STRN: variants seen among roughly 807,000 people sequenced by gnomAD.
The protein encoded by STRN is striatin, also known as protein phosphatase 2 regulatory subunit B'''alpha.
Under a neutral mutation model 96.3 loss-of-function variants are expected in STRN, and 53 were observed. The observed-to-expected ratio is 0.55, with a 90% CI of 0.44 to 0.69. The LOEUF is 0.69. STRN is among the 30% of genes least tolerant of loss of function. The pLI, the probability that STRN is intolerant of heterozygous loss-of-function variation, is 0.00. For missense variants in STRN, 987 were observed against 963.9 expected, an observed-to-expected ratio of 1.02 and a Z score of -0.32; for synonymous variants, 428 against 355.9, an observed-to-expected ratio of 1.20 and a Z score of -2.28.
At chr2:36,948,639 C>T (rs1475184086) in intron 1 of STRN, among the ~76,000 whole-genome samples, 4 of 152,064 alleles carry the variant, frequency 2.6e-5, no homozygotes, top group African/African-American at 9.7e-5. Flanking sequence ...TCCCTAATTC[C>T]TAGAACAGTT....
intron 1 of STRN, among the ~76,000 whole-genome samples, chr2:36,935,468 A>C (rs1012108881): frequency 6.6e-6 from 1 of 152,248 alleles, no homozygotes; most frequent in Non-Finnish European, 1.5e-5. Flanking sequence ...ATCTCATTTA[A>C]TTAGGACTAT....
chr2:36,869,502 C>T (rs1668710860), intron 11 of STRN, 52 bp downstream of exon 11: 2 of 1,350,888 alleles, frequency 1.5e-6, no homozygotes, highest in African/African-American at 3.0e-5. Flanking sequence ...TAGTTTTCTG[C>T]TGAAAATGTT....
At chr2:36,882,014 A>G (rs1271016480) in intron 9 of STRN, among the ~76,000 whole-genome samples, 1 of 152,210 alleles carries the variant, frequency 6.6e-6, no homozygotes, top group Non-Finnish European at 1.5e-5. Flanking sequence ...TTACATCTAC[A>G]GTGTGATGTG....
chr2:36,889,275 G>C (rs1015404196), intron 7 of STRN, among the ~76,000 whole-genome samples: 21 of 152,094 alleles, frequency 1.4e-4, no homozygotes, highest in African/African-American at 5.1e-4. Context: ...ATCCAGTTTA[G>C]AAAACTGTTT....
At chr2:36,881,114 CCTT>C (rs144053229) in intron 9 of STRN, among the ~76,000 whole-genome samples, 4 of 135,574 alleles carry the variant, frequency 3.0e-5, no homozygotes, top group African/African-American at 1.1e-4. Flanking sequence ...TGTGACACTG[CCTT>C]CTTTTTTTTT....
In STRN at chr2:36,924,261, CAGG is replaced by C. The variant is rs527596217; in HGVS notation, c.338+841_338+843del. Among the ~76,000 whole-genome samples the C allele has an allele frequency of 9.5e-5, 14 of 147,958 alleles. 2 individuals carry two copies. The South Asian group carries it at 3.0e-3, about 31-fold the overall frequency. On this transcript the variant is annotated intron_variant, in intron 2 of 17. Transcript: ENST00000263918. ...GTCCCAGCTACTTGGGAGGCTGAGG[CAGG>C]AGAATGGTGTGAACCCGGGAGGTGG...
At chr2:36,852,018 A>G (rs1439349975) in intron 15 of STRN, among the ~76,000 whole-genome samples, 1 of 152,196 alleles carries the variant, frequency 6.6e-6, no homozygotes, top group Non-Finnish European at 1.5e-5. Flanking sequence ...CATTAAGCCT[A>G]TATTACAGTG....
chr2:36,886,418 C>T (rs1442581190), intron 8 of STRN, among the ~76,000 whole-genome samples: 1 of 152,098 alleles, frequency 6.6e-6, no homozygotes, highest in Non-Finnish European at 1.5e-5. Flanking sequence ...AGCACAGGTA[C>T]TTTTAAAAAT....
chr2:36,838,874 A>G lies in STRN; in HGVS notation c.*10582T>C, dbSNP rs957453615. ...GAAATGTGAGATGCAGAGAACGTACATGATCCCATTTATTTAAAGCAAACT... is the reference window on the plus strand; with the variant it reads ...GAAATGTGAGATGCAGAGAACGTACGTGATCCCATTTATTTAAAGCAAACT... On this transcript the variant is annotated 3_prime_UTR_variant, in exon 18 of 18. Coordinates refer to ENST00000263918, the MANE Select transcript of STRN (RefSeq NM_003162.4). Among the ~76,000 whole-genome samples, 1 of 152,188 alleles carries G rather than the reference A, an allele frequency of 6.6e-6. No homozygotes were observed. The highest frequency in any genetic ancestry group is 1.5e-5 in the Non-Finnish European group (1 of 68,038).
Position 36,840,285 on chromosome 2 carries a change from G to A in STRN, c.*9171C>T, listed in dbSNP as rs1477942799. The stretch of plus-strand genomic sequence containing the variant: ...GCCAGTGGGGAACAGGGGATGAGCA[G>A]AGGAGATATGGGGGTCCGGGGATAG... On this transcript the variant is annotated 3_prime_UTR_variant, in exon 18 of 18. Coordinates refer to ENST00000263918, the MANE Select transcript of STRN (RefSeq NM_003162.4). 2 of 152,318 alleles carry A rather than the reference G, an allele frequency of 1.3e-5. No individual in the cohort carries two copies. Among genetic ancestry groups the A allele is most frequent in the African/African-American group, 4.8e-5 (2 of 41,436 alleles). The allele number at this position is 152,318 out of a possible 1,614,324, so 9.4% of individuals were successfully genotyped here.
chr2:36,880,644 T>C (rs1316270834), intron 9 of STRN, among the ~76,000 whole-genome samples: 2 of 152,122 alleles, frequency 1.3e-5, no homozygotes, highest in South Asian at 2.1e-4. Context: ...TAATGAAGAA[T>C]AGGAATTGTT....
chr2:36,894,170 C>A, intron 6 of STRN, 137 bp from the exon 7 acceptor site: 1 of 980,066 alleles, frequency 1.0e-6, no homozygotes, highest in Non-Finnish European at 1.4e-6. Context: ...GTGAAAATCA[C>A]ATAGTTTTAA....
rs568441675 is a variant in STRN at position 36,842,081 on chromosome 2, C to G, written c.*7375G>C. 3.9e-4 allele frequency: 59 copies of G among 152,302 alleles called. No individual in the cohort carries two copies. Among genetic ancestry groups the G allele is most frequent in the African/African-American group, 9.9e-4 (41 of 41,560 alleles). 9.4% of individuals were successfully genotyped at this position (152,302 alleles called of 1,614,324 possible). On this transcript the variant is annotated 3_prime_UTR_variant, in exon 18 of 18. Transcript: ENST00000263918. Reference sequence around the variant, plus strand: ...AAAAATTATTGTCTTGGTCCCATTTCCAAAGGGAAGTAGTTGGATGCCAGC... The same window carrying G: ...AAAAATTATTGTCTTGGTCCCATTTGCAAAGGGAAGTAGTTGGATGCCAGC...
rs1039665428 is a variant in STRN, at chr2:36,843,312, T to C, written c.*6144A>G. ...TGGATCCTGATTGGAACAAAAAGAC[T>C]GTGAGTTCTGGGCAGGCCAAAGGCC... On this transcript the variant is annotated 3_prime_UTR_variant, in exon 18 of 18. Transcript: ENST00000263918. Among the ~76,000 whole-genome samples the C allele has an allele frequency of 1.1e-4, 16 of 152,134 alleles. No individual in the cohort carries two copies. Among genetic ancestry groups the C allele is most frequent in the African/African-American group, 3.4e-4 (14 of 41,424 alleles).
At position 36,842,139 on chromosome 2, in the gene STRN, C is replaced by T. The variant is rs1667968346; in HGVS notation, c.*7317G>A. The stretch of plus-strand genomic sequence containing the variant: ...AACATTTCGGCACATATACAAACCA[C>T]AAGCTGTTTATTTCTACAACTCACG... On this transcript the variant is annotated 3_prime_UTR_variant, in exon 18 of 18. Transcript: ENST00000263918. 6.6e-6 allele frequency: 1 copy of T among 152,188 alleles called. No individual in the cohort carries two copies. The highest frequency in any genetic ancestry group is 6.5e-5 in the Admixed American group (1 of 15,270). The allele number at this position is 152,188 out of a possible 1,614,324, so 9.4% of individuals were successfully genotyped here.
rs1161280075 is a variant in STRN, at chr2:36,849,489, A to T, written c.2310T>A (p.Ala770=). 6.2e-6 allele frequency: 10 copies of T among 1,614,064 alleles called. No individual in the cohort carries two copies. Among genetic ancestry groups the T allele is most frequent in the Non-Finnish European group, 8.5e-6 (10 of 1,180,010 alleles). Residue 770 remains alanine, a synonymous_variant, in exon 18 of 18, where the codon GCT becomes GCA. Transcript: ENST00000263918. ...AGACTTTAGCCAGTGCGTCAGCTCC[A>T]GCACTGGCTATATAGCATTTGGATG... The part of the protein sequence containing the change: ...FHPSKCYIAS[A]GADALAKVFV
At chr2:36,888,637 A>ATGTGTGTG (rs747639409) in intron 7 of STRN, among the ~76,000 whole-genome samples, 41 of 70,150 alleles carry the variant, frequency 5.8e-4, no homozygotes, top group Admixed American at 1.2e-3. Flanking sequence ...TTTTTAATTT[A>ATGTGTGTG]TATGTGTGTG....
intron 5 of STRN, among the ~76,000 whole-genome samples, chr2:36,901,156 T>C (rs1669671640): frequency 6.6e-6 from 1 of 152,204 alleles, no homozygotes. Context: ...ACAGTATCTT[T>C]GTCATTCTTA....
chr2:36,966,205 A>T, intron 1 of STRN, 25 bp downstream of exon 1: 1 of 1,523,128 alleles, frequency 6.6e-7, no homozygotes, highest in Non-Finnish European at 8.8e-7. Context: ...CGGGATGAAG[A>T]CGGCCAGGCC....
Sources: allele counts gnomAD v4.1 joint callset (sites outside exome capture counted in the v4.1 genomes callset), GRCh38; gene constraint gnomAD v4.1.1; transcripts MANE v1.5; gene names NCBI Gene and HGNC (gene_info 2026-07-23, HGNC 2026-07-21).